VEZT: variants seen among roughly 807,000 people sequenced by gnomAD.
The protein encoded by VEZT is vezatin, adherens junctions transmembrane protein, also known as vezatin.
Under a neutral mutation model 79.9 loss-of-function variants are expected in VEZT, and 39 were observed. The observed-to-expected ratio is 0.49, with a 90% CI of 0.38 to 0.64. The LOEUF is 0.64. Ranked by LOEUF, VEZT falls within the 30% of genes least tolerant of loss-of-function variation. The pLI is 0.00. For missense variants in VEZT, 837 were observed against 893.1 expected (o/e 0.94, Z 0.80); for synonymous variants, 325 against 327.6 (o/e 0.99, Z 0.09).
At chr12:95,243,293 T>TG (rs1461271791) in intron 1 of VEZT, among the ~76,000 whole-genome samples, 1 of 147,496 alleles carries the variant, frequency 6.8e-6, no homozygotes, top group Non-Finnish European at 1.5e-5. Context: ...GAGGATCACT[T>TG]GGAGGTTGCC....
chr12:95,225,903 A>T (rs1359767625), intron 1 of VEZT, among the ~76,000 whole-genome samples: 2 of 151,914 alleles, frequency 1.3e-5, no homozygotes, highest in Admixed American at 1.3e-4. Flanking sequence ...CAGCTTGGGC[A>T]ATATAGAGAG....
At chr12:95,299,406 G>T (rs746916436) in intron 11 of VEZT, 14 of 152,476 alleles carry the variant, frequency 9.2e-5, no homozygotes, top group Non-Finnish European at 1.8e-4. Flanking sequence ...TTCCTTGCAA[G>T]GACAACTTCT....
intron 1 of VEZT, among the ~76,000 whole-genome samples, chr12:95,241,622 A>G (rs951407901): frequency 6.6e-6 from 1 of 152,152 alleles, no homozygotes; most frequent in African/African-American, 2.4e-5. Flanking sequence ...CCTCAGTTTT[A>G]ACAATGAAAA....
At chr12:95,244,417 C>G (rs7975567) in intron 1 of VEZT, among the ~76,000 whole-genome samples, 2 of 152,080 alleles carry the variant, frequency 1.3e-5, no homozygotes, top group Non-Finnish European at 2.9e-5. Context: ...ATATAATTAT[C>G]TCATCTGACA....
chr12:95,250,747 A>ATTTT (rs3080327), intron 1 of VEZT, among the ~76,000 whole-genome samples: 79 of 142,888 alleles, frequency 5.5e-4, no homozygotes, highest in South Asian at 2.9e-3. Context: ...GGTTGGGGTG[A>ATTTT]TTTTTTTTTT....
At chr12:95,225,725 A>G (rs933107617) in intron 1 of VEZT, among the ~76,000 whole-genome samples, 3 of 144,564 alleles carry the variant, frequency 2.1e-5, no homozygotes, top group Admixed American at 1.4e-4. Flanking sequence ...GAATACTGCT[A>G]TAGAAACATT....
At chr12:95,267,978 T>A (rs1035157129) in intron 5 of VEZT, among the ~76,000 whole-genome samples, 1 of 152,040 alleles carries the variant, frequency 6.6e-6, no homozygotes, top group African/African-American at 2.4e-5. Flanking sequence ...GCCAAGATTG[T>A]GCCACTGCAC....
chr12:95,291,956 G>C (rs1056120789), intron 9 of VEZT, among the ~76,000 whole-genome samples: 34 of 152,160 alleles, frequency 2.2e-4, no homozygotes, highest in African/African-American at 7.7e-4. Context: ...GCACCACCAT[G>C]CCCAGCTAGT....
intron 8 of VEZT, among the ~76,000 whole-genome samples, chr12:95,284,552 T>C (rs2070095001): frequency 6.6e-6 from 1 of 152,212 alleles, no homozygotes. Context: ...CTAAAGTCCT[T>C]ACAAAACATA....
intron 1 of VEZT, among the ~76,000 whole-genome samples, chr12:95,246,239 C>T (rs1331475824): frequency 2.0e-5 from 3 of 152,056 alleles, no homozygotes; most frequent in Non-Finnish European, 4.4e-5. Flanking sequence ...TCTCCTGCTT[C>T]AGTCTCCCGA....
chr12:95,218,185 G>T lies in VEZT; in HGVS notation c.36+299G>T, dbSNP rs778444768. The T allele has an allele frequency of 1.6e-3, 323 of 202,204 alleles. 2 individuals carry two copies. Among genetic ancestry groups the T allele is most frequent in the Non-Finnish European group, 7.0e-4 (85 of 121,314 alleles). 12.5% of individuals were successfully genotyped at this position (202,204 alleles called of 1,614,324 possible). A position where few individuals can be genotyped will look rare whatever the true frequency, so the allele number is the denominator to read the frequency against. On this transcript the variant is annotated intron_variant, in intron 1 of 11. Coordinates refer to ENST00000436874, the MANE Select transcript of VEZT (RefSeq NM_017599.4). ...TCCTTCCTGGGAATGGATGTGCGGC[G>T]GGGGGGACTGCGCCCGGCTGGGGCG...
chr12:95,242,048 CA>C (rs1306396845), intron 1 of VEZT: 1 of 152,104 alleles, frequency 6.6e-6, no homozygotes, highest in Admixed American at 6.5e-5. Context: ...AAAATAAACA[CA>C]AAAAATAGCA....
At chr12:95,235,313 C>G (rs76871523) in intron 1 of VEZT, among the ~76,000 whole-genome samples, 2 of 133,512 alleles carry the variant, frequency 1.5e-5, no homozygotes, top group African/African-American at 5.8e-5. Context: ...CCCTCCCGGA[C>G]GGGGCGGCTG....
At chr12:95,248,768 G>T (rs1035662206) in intron 1 of VEZT, among the ~76,000 whole-genome samples, 2 of 148,780 alleles carry the variant, frequency 1.3e-5, no homozygotes, top group Non-Finnish European at 3.0e-5. Context: ...CCAGAGGATA[G>T]CTTGAGCCCA....
At position 95,261,660 on chromosome 12, in the gene VEZT, C is replaced by T. The variant is rs144998784; in HGVS notation, c.259-1246C>T. On this transcript the variant is annotated intron_variant, in intron 3 of 11. Coordinates refer to ENST00000436874, the MANE Select transcript of VEZT (RefSeq NM_017599.4). ...TCCTGACCTCAGGTGATCCGCCCAC[C>T]TTGGCCTACCAAAGTGCTGGGACTA... Among the ~76,000 whole-genome samples, 944 of 152,342 alleles carry T rather than the reference C, an allele frequency of 6.2e-3. 1 individual carries two copies. Among genetic ancestry groups the T allele is most frequent in the Non-Finnish European group, 1.0e-2 (679 of 68,032 alleles).
At chr12:95,223,872 A>G (rs1261929743) in intron 1 of VEZT, among the ~76,000 whole-genome samples, 1 of 151,792 alleles carries the variant, frequency 6.6e-6, no homozygotes, top group Admixed American at 6.6e-5. Context: ...ATTTGTGTTT[A>G]TTTTGCTATT....
Position 95,245,334 on chromosome 12 carries a change from C to A in VEZT, c.37-6606C>A, listed in dbSNP as rs562751508. On this transcript the variant is annotated intron_variant, in intron 1 of 11. Transcript: ENST00000436874. ...GTTTAAGAGTCCCATAGCATTCTTA[C>A]TTTGTACTTAAGGAAGCTGAAACAG... 9.9e-4 allele frequency among the ~76,000 whole-genome samples: 151 copies of A among 152,254 alleles called. 1 individual carries two copies. Among genetic ancestry groups the A allele is most frequent in the African/African-American group, 3.3e-3 (139 of 41,568 alleles).
At chr12:95,254,339 C>CTTTTT (rs34968028) in intron 2 of VEZT, among the ~76,000 whole-genome samples, 73 of 69,424 alleles carry the variant, frequency 1.1e-3, no homozygotes, top group East Asian at 3.0e-3. Flanking sequence ...AAACGAAGTT[C>CTTTTT]TTTTTTTTTT....
intron 1 of VEZT, among the ~76,000 whole-genome samples, chr12:95,236,518 A>C (rs932395152): frequency 3.5e-4 from 53 of 151,628 alleles, no homozygotes; most frequent in African/African-American, 1.1e-3. Context: ...GTCCCCAAGA[A>C]TCTTTGCAGC....
Sources: gnomAD v4.1 joint callset for allele counts (sites outside exome capture counted in the v4.1 genomes callset) on GRCh38, gnomAD v4.1.1 for gene constraint, MANE v1.5 for transcripts, NCBI Gene and HGNC (gene_info 2026-07-23, HGNC 2026-07-21) for gene names.